Variants in ENTREP2 observed in about 807,000 individuals in gnomAD.
ENTREP2 encodes endosomal transmembrane epsin interactor 2, also known as protein ENTREP2.
chr15:29,358,451 C>CAGGCAGGAGACCAGAT, the ENTREP2 span, among the ~76,000 whole-genome samples: 1 of 152,262 alleles, frequency 6.6e-6, no homozygotes, highest in African/African-American at 2.4e-5. Context: ...GCTCTGAAGA[C>CAGGCAGGAGACCAGAT]AGGCAGGAGA....
chr15:29,252,456 G>C, the ENTREP2 span: 1 of 1,549,376 alleles, frequency 6.5e-7, no homozygotes, highest in Non-Finnish European at 8.7e-7. Flanking sequence ...ACACACTGCA[G>C]AAAGCAGCAT....
At chr15:29,409,645 TA>T in the ENTREP2 span, among the ~76,000 whole-genome samples, 6 of 127,212 alleles carry the variant, frequency 4.7e-5, no homozygotes, top group Admixed American at 2.4e-4. Flanking sequence ...TTTTTTTTTT[TA>T]AAGACAGGGT....
the ENTREP2 span, among the ~76,000 whole-genome samples, chr15:29,264,203 G>A: frequency 2.7e-4 from 29 of 106,764 alleles, no homozygotes; most frequent in South Asian, 9.6e-3. Context: ...GCAAGGAAAT[G>A]CTCAATAAAT....
At chr15:29,472,528 A>G in the ENTREP2 span, among the ~76,000 whole-genome samples, 1 of 151,254 alleles carries the variant, frequency 6.6e-6, no homozygotes, top group South Asian at 2.1e-4. Context: ...GCAATGGCGC[A>G]ATCTCGGCTC....
At chr15:29,600,902 C>CCTTTTTTTTT in the ENTREP2 span, among the ~76,000 whole-genome samples, 18 of 123,622 alleles carry the variant, frequency 1.5e-4, no homozygotes, top group African/African-American at 6.1e-4. Flanking sequence ...ATTTTTCTTT[C>CCTTTTTTTTT]TTTTTTTTTT....
chr15:29,268,894 T>C, the ENTREP2 span: 6 of 1,614,220 alleles, frequency 3.7e-6, no homozygotes, highest in South Asian at 5.5e-5. Context: ...GTCTTGATTA[T>C]GGACCTTGGC....
At chr15:29,659,441 A>G in the ENTREP2 span, among the ~76,000 whole-genome samples, 2 of 152,200 alleles carry the variant, frequency 1.3e-5, no homozygotes, top group Non-Finnish European at 2.9e-5. Flanking sequence ...ATTGCCCTCC[A>G]GCCTAGGAGA....
chr15:29,570,441 G>C, the ENTREP2 span: 1 of 1,075,036 alleles, frequency 9.3e-7, no homozygotes, highest in Non-Finnish European at 1.2e-6. Context: ...GGCGGCCGCA[G>C]CGCCTAGCCC....
chr15:29,226,097 G>A, the ENTREP2 span, among the ~76,000 whole-genome samples: 2 of 152,206 alleles, frequency 1.3e-5, no homozygotes, highest in South Asian at 2.1e-4. Context: ...TCTTGACACT[G>A]CCGTGTTCCT....
the ENTREP2 span, among the ~76,000 whole-genome samples, chr15:29,495,219 T>C: frequency 1.3e-5 from 2 of 152,246 alleles, no homozygotes; most frequent in African/African-American, 4.8e-5. Flanking sequence ...TGTTGGTACT[T>C]TGAGAATAGC....
chr15:29,233,718 A>T, the ENTREP2 span: 1 of 1,335,944 alleles, frequency 7.5e-7, no homozygotes, highest in Non-Finnish European at 1.1e-6. Context: ...TCATCAAGTT[A>T]CATGGATCTG....
At chr15:29,528,196 C>G in the ENTREP2 span, among the ~76,000 whole-genome samples, 2 of 152,012 alleles carry the variant, frequency 1.3e-5, no homozygotes, top group Admixed American at 1.3e-4. Context: ...GGTCATCTGA[C>G]GGGGTCAGAT....
the ENTREP2 span, among the ~76,000 whole-genome samples, chr15:29,310,629 G>T: frequency 1.3e-5 from 2 of 152,300 alleles, no homozygotes; most frequent in Admixed American, 6.5e-5. Context: ...GGGAAGAATT[G>T]TCCGGGCCAA....
At chr15:29,417,196 G>A in the ENTREP2 span, among the ~76,000 whole-genome samples, 13 of 152,232 alleles carry the variant, frequency 8.5e-5, no homozygotes, top group Admixed American at 3.9e-4. Context: ...ACATGCACAC[G>A]TATGTTTACT....
the ENTREP2 span, among the ~76,000 whole-genome samples, chr15:29,190,906 A>C: frequency 1.3e-5 from 2 of 152,226 alleles, no homozygotes; most frequent in Non-Finnish European, 2.9e-5. Flanking sequence ...AATCAAAGGA[A>C]CATTCTCCTT....
At chr15:29,383,163 A>G in the ENTREP2 span, among the ~76,000 whole-genome samples, 1 of 152,012 alleles carries the variant, frequency 6.6e-6, no homozygotes, top group South Asian at 2.1e-4. Flanking sequence ...CTCGAGTACC[A>G]TCCACTGGTA....
chr15:29,653,680 C>T, the ENTREP2 span, among the ~76,000 whole-genome samples: 1 of 152,234 alleles, frequency 6.6e-6, no homozygotes, highest in South Asian at 2.1e-4. Context: ...CCTCCCCAGC[C>T]ATGCTGAACT....
At chr15:29,155,143 G>C in the ENTREP2 span, among the ~76,000 whole-genome samples, 1 of 151,590 alleles carries the variant, frequency 6.6e-6, no homozygotes, top group Non-Finnish European at 1.5e-5. Context: ...TTAGTCGGGC[G>C]TGGTGGCCGG....
At chr15:29,175,621 T>C in the ENTREP2 span, among the ~76,000 whole-genome samples, 3 of 152,208 alleles carry the variant, frequency 2.0e-5, no homozygotes, top group Non-Finnish European at 2.9e-5. Context: ...TTCTTCCTTT[T>C]TGAGACGGAG....
Sources: gnomAD v4.1 joint callset for allele counts (sites outside exome capture counted in the v4.1 genomes callset) on GRCh38, gnomAD v4.1.1 for gene constraint, MANE v1.5 for transcripts, NCBI Gene and HGNC (gene_info 2026-07-23, HGNC 2026-07-21) for gene names.